Variants in CILP observed in about 807,000 individuals in gnomAD.
CILP encodes the protein cartilage intermediate layer protein, also known as cartilage intermediate layer protein 1.
Under a neutral mutation model 82.5 loss-of-function variants are expected in CILP, and 75 were observed. That is an observed-to-expected ratio of 0.91 (90% CI 0.75 to 1.10). CILP has a LOEUF of 1.10. Among genes scored for constraint, CILP ranks in the 50% least tolerant of loss-of-function variants. The probability of loss-of-function intolerance (pLI) is 0.00; values close to 1 mark genes in which losing one functional copy is unlikely to be tolerated. For missense variants in CILP, 1,479 were observed against 1,530.8 expected (o/e 0.97, Z 0.56); for synonymous variants, 530 against 580.3 (o/e 0.91, Z 1.25).
rs372872912 is a variant in CILP at position 65,196,784 on chromosome 15, C to G, written c.3502G>C (p.Val1168Leu). 1 of 1,590,282 alleles carries G rather than the reference C, an allele frequency of 6.3e-7. No individual in the cohort carries two copies. Among genetic ancestry groups the G allele is most frequent in the Non-Finnish European group, 8.6e-7 (1 of 1,166,578 alleles). ...CTAGGAAATCTCAGAGAGGCCACCA[C>G]TCCACCCTGGCGCTGGCCACCCCTG... ...ASRGGQRQGGVVASLRFPRVA... is the reference protein window; with the variant it reads ...ASRGGQRQGGLVASLRFPRVA... The change falls in exon 9 of 9, where the codon GTG becomes CTG. Residue 1168 changes from valine to leucine, a missense_variant. Coordinates refer to ENST00000261883, the MANE Select transcript of CILP (RefSeq NM_003613.4).
At position 65,209,716 on chromosome 15, in the gene CILP, G is replaced by A; in HGVS notation, c.40C>T (p.Leu14=). The A allele has an allele frequency of 6.2e-7, 1 of 1,614,082 alleles. No individual in the cohort carries two copies. The highest frequency in any genetic ancestry group is 8.5e-7 in the Non-Finnish European group (1 of 1,180,006). ...TKAWVFSFLV[L]EVTSVLGRQT... The stretch of plus-strand genomic sequence containing the variant: ...ATACCCAACACAGATGTGACTTCCA[G>A]GACCAGGAAGGAGAACACCCAGGCC... Residue 14 remains leucine (L), a synonymous_variant, in exon 2 of 9, where the codon CTG becomes TTG. Transcript: ENST00000261883.
intron 5 of CILP, 113 bp downstream of exon 5, chr15:65,205,171 CGTG>C: frequency 1.0e-5 from 10 of 955,296 alleles, no homozygotes; most frequent in Non-Finnish European, 1.4e-5. Flanking sequence ...TCAGTTAATA[CGTG>C]GTGAGTAAGT....
intron 7 of CILP, among the ~76,000 whole-genome samples, 192 bp from the exon 8 acceptor site, chr15:65,202,221 C>T (rs976672494): frequency 3.3e-5 from 5 of 152,156 alleles, no homozygotes; most frequent in African/African-American, 1.2e-4. Flanking sequence ...TAAGTCCCAG[C>T]CCTACCACGT....
At chr15:65,209,320 C>T (rs2088560551) in intron 2 of CILP, among the ~76,000 whole-genome samples, 1 of 152,046 alleles carries the variant, frequency 6.6e-6, no homozygotes. Context: ...TAAAAACAGA[C>T]CAAACCCCAA....
In CILP at chr15:65,198,060, A is replaced by G; in HGVS notation, c.2226T>C (p.Phe742=). Residue 742 remains phenylalanine, a synonymous_variant, in exon 9 of 9, where the codon TTT becomes TTC. Coordinates refer to ENST00000261883, the MANE Select transcript of CILP (RefSeq NM_003613.4). ...GNLEIRERRL[F]NLDVPESRRC... is the part of the protein sequence containing the mutation. ...GCCTGCTTTCAGGAACATCCAGGTT[A>G]AAGAGCCTCCTCTCACGAATCTCCA... 6.2e-7 allele frequency: 1 copy of G among 1,614,236 alleles called. No homozygotes were observed. The highest frequency in any genetic ancestry group is 8.5e-7 in the Non-Finnish European group (1 of 1,180,044).
At chr15:65,201,372 T>C (rs1258681267) in intron 8 of CILP, among the ~76,000 whole-genome samples, 2 of 152,086 alleles carry the variant, frequency 1.3e-5, no homozygotes, top group African/African-American at 4.8e-5. Context: ...GATGGCTCCA[T>C]GGTGGTAGGA....
At chr15:65,209,572 A>G (rs2088562849) in intron 2 of CILP, 123 bp downstream of exon 2, 1 of 764,726 alleles carries the variant, frequency 1.3e-6, no homozygotes, top group African/African-American at 1.7e-5. Context: ...AAATCCATAA[A>G]GTGGCCTCAG....
chr15:65,198,591 G>A lies in CILP; in HGVS notation c.1695C>T (p.Phe565=). The change falls in exon 9 of 9, where the codon TTC becomes TTT. Residue 565 remains phenylalanine (F), a synonymous_variant. Coordinates refer to ENST00000261883, the MANE Select transcript of CILP (RefSeq NM_003613.4). Reference sequence around the variant, plus strand: ...TCCGACGAAGCATCTTGATTTCATGGAACACGGCACTCCCCTTCTTGTTGA... The same window carrying A: ...TCCGACGAAGCATCTTGATTTCATGAAACACGGCACTCCCCTTCTTGTTGA... The part of the protein sequence containing the change: ...LPFNKKGSAV[F]HEIKMLRRKK... 1 of 1,614,238 alleles carries A rather than the reference G, an allele frequency of 6.2e-7. No homozygotes were observed. Among genetic ancestry groups the A allele is most frequent in the South Asian group, 1.1e-5 (1 of 91,084 alleles).
Position 65,198,208 on chromosome 15 carries a change from A to G in CILP, c.2078T>C (p.Ile693Thr), listed in dbSNP as rs1442785209. The stretch of plus-strand genomic sequence containing the variant: ...GAGTGACCAGAGTTTCACTGTGGAT[A>G]TGTGCTCTGGCATCTTGACCTGGGT... ...DSTQVKMPEHISTVKLWSLNP... is the reference protein window; with the variant it reads ...DSTQVKMPEHTSTVKLWSLNP... The change falls in exon 9 of 9, where the codon ATA becomes ACA. Residue 693 changes from isoleucine to threonine, a missense_variant. Ile to Thr is a moderately conservative substitution (Grantham distance 89). Transcript: ENST00000261883. The G allele has an allele frequency of 1.9e-6, 3 of 1,614,122 alleles. No homozygotes were observed. The African/African-American group carries it at 4.0e-5, about 22-fold the overall frequency.
chr15:65,204,672 CT>C, intron 5 of CILP, 90 bp from the exon 6 acceptor site: 1 of 1,278,376 alleles, frequency 7.8e-7, no homozygotes. Flanking sequence ...CCTCCTTGGC[CT>C]TTGCTACCCT....
At position 65,204,560 on chromosome 15, in the gene CILP, C is replaced by T. The variant is rs2088496692; in HGVS notation, c.627G>A (p.Met209Ile). Residue 209 changes from methionine (M) to isoleucine (I), a missense_variant, in exon 6 of 9, where the codon ATG (methionine) becomes ATA (isoleucine). Met to Ile is a conservative substitution (Grantham distance 10). Transcript: ENST00000261883. ...DCTACDLTCPMGQVNADCDAC... is the reference protein window; with the variant it reads ...DCTACDLTCPIGQVNADCDAC... ...CATCACAGTCAGCATTCACCTGGCC[C>T]ATTGGGCAGGTCAGGTCACAGGCTG... 14 of 1,609,140 alleles carry T rather than the reference C, an allele frequency of 8.7e-6. No individual in the cohort carries two copies. Among genetic ancestry groups the T allele is most frequent in the Non-Finnish European group, 1.0e-5 (12 of 1,178,838 alleles).
rs139906949 is a variant in CILP, at chr15:65,198,034, C to T, written c.2252G>A (p.Arg751Gln). ...LFNLDVPESR[R>Q]CFVKVRAYRS... ...GTAGGCCCTCACCTTAACAAAGCAC[C>T]GCCTGCTTTCAGGAACATCCAGGTT... Residue 751 changes from arginine to glutamine, a missense_variant, in exon 9 of 9, where the codon CGG becomes CAG. Arg to Gln is a conservative substitution (Grantham distance 43). Coordinates refer to ENST00000261883, the MANE Select transcript of CILP (RefSeq NM_003613.4). 24 of 1,614,096 alleles carry T rather than the reference C, an allele frequency of 1.5e-5. No homozygotes were observed. Among genetic ancestry groups the T allele is most frequent in the African/African-American group, 8.0e-5 (6 of 74,924 alleles).
intron 8 of CILP, among the ~76,000 whole-genome samples, chr15:65,201,071 G>T (rs1439698915): frequency 6.6e-6 from 1 of 151,754 alleles, no homozygotes; most frequent in African/African-American, 2.4e-5. Context: ...GCGTGAACTC[G>T]GCTCACTGCA....
chr15:65,200,453 C>T lies in CILP; in HGVS notation c.1187-1354G>A, dbSNP rs75251996. On this transcript the variant is annotated intron_variant, in intron 8 of 8. Transcript: ENST00000261883. ...TTCCAATACATTCTGTCCTTCTCTG[C>T]GTTTTGTTTTGTTTAGGCCAATTAC... 7.2e-5 allele frequency among the ~76,000 whole-genome samples: 11 copies of T among 151,804 alleles called. No homozygotes were observed. The South Asian group carries it at 2.1e-3, about 29-fold the overall frequency.
rs1448552873 is a variant in CILP, at chr15:65,197,259, C to T, written c.3027G>A (p.Lys1009=). 3 of 1,613,974 alleles carry T rather than the reference C, an allele frequency of 1.9e-6. No individual in the cohort carries two copies. The highest frequency in any genetic ancestry group is 4.5e-5 in the East Asian group (2 of 44,892). The part of the protein sequence containing the change: ...PNVSAACLEF[K]CSGMLYDQDR... ...CCTGATCATAGAGCATCCCACTGCA[C>T]TTGAACTCCAGACAGGCAGCTGAGA... Residue 1009 remains lysine, a synonymous_variant, in exon 9 of 9, where the codon AAG becomes AAA. Transcript: ENST00000261883.
At position 65,204,459 on chromosome 15, in the gene CILP, A is replaced by G; in HGVS notation, c.728T>C (p.Ile243Thr). The G allele has an allele frequency of 6.2e-7, 1 of 1,614,078 alleles. No homozygotes were observed. The highest frequency in any genetic ancestry group is 1.1e-5 in the South Asian group (1 of 91,048). Residue 243 changes from isoleucine (I) to threonine (T), a missense_variant, in exon 6 of 9, where the codon ATC becomes ACC. Physicochemically the swap from Ile to Thr is moderately conservative, Grantham distance 89 (BLOSUM62 -1). Transcript: ENST00000261883. ...PGGAPASGAA[I>T]YLLTKTPKLL... Reference sequence around the variant, plus strand: ...CTTCGGCGTCTTGGTCAGGAGGTAGATAGCAGCCCCTGAGGCTGGGGCACC... The same window carrying G: ...CTTCGGCGTCTTGGTCAGGAGGTAGGTAGCAGCCCCTGAGGCTGGGGCACC...
intron 4 of CILP, among the ~76,000 whole-genome samples, chr15:65,205,777 G>A (rs1425097018): frequency 1.3e-5 from 2 of 152,162 alleles, no homozygotes; most frequent in Admixed American, 1.3e-4. Flanking sequence ...TTCTTCACCA[G>A]TGTGGAAACG....
chr15:65,205,358 A>G lies in CILP; in HGVS notation c.533T>C (p.Leu178Ser), dbSNP rs1487633277. The change falls in exon 5 of 9, where the codon TTG becomes TCG. Residue 178 changes from leucine to serine, a missense_variant. Physicochemically the swap from Leu to Ser is moderately radical, Grantham distance 145. Transcript: ENST00000261883. ...TGVQTRTRIC[L>S]AEMVSLCSEA... ...ACTGCACAGCGACACCATCTCTGCC[A>G]AGCAAATGCGTGTGCGAGTCTGGAC... 1 of 1,614,106 alleles carries G rather than the reference A, an allele frequency of 6.2e-7. No homozygotes were observed. The highest frequency in any genetic ancestry group is 8.5e-7 in the Non-Finnish European group (1 of 1,180,012).
rs754465145 is a variant in CILP at position 65,197,587 on chromosome 15, C to T, written c.2699G>A (p.Arg900Gln). The change falls in exon 9 of 9, where the codon CGG (arginine) becomes CAG (glutamine). Residue 900 changes from arginine to glutamine, a missense_variant. Transcript: ENST00000261883. ...ACTGGGTGGTGCCTCTTCACATGCCCGGAGGTTCTCAAAGGCATAGATGGG... is the reference window on the plus strand; with the variant it reads ...ACTGGGTGGTGCCTCTTCACATGCCTGGAGGTTCTCAAAGGCATAGATGGG... ...NGPIYAFENLRACEEAPPSAA... is the reference protein window; with the variant it reads ...NGPIYAFENLQACEEAPPSAA... The T allele has an allele frequency of 5.6e-5, 90 of 1,614,042 alleles. 1 individual carries two copies. The highest frequency in any genetic ancestry group is 1.6e-4 in the South Asian group (15 of 91,084).
Sources: allele counts gnomAD v4.1 joint callset (sites outside exome capture counted in the v4.1 genomes callset), GRCh38; gene constraint gnomAD v4.1.1; transcripts MANE v1.5; gene names NCBI Gene and HGNC (gene_info 2026-07-23, HGNC 2026-07-21).